The following GRIK2 variants were observed in gnomAD, a reference collection of about 807,000 sequenced individuals.
The protein encoded by GRIK2 is glutamate receptor ionotropic, kainate 2.
GRIK2 carries 32 observed loss-of-function variants against 100.3 expected under a neutral mutation model. The observed-to-expected ratio is 0.32, with a 90% CI of 0.24 to 0.43. GRIK2 has a LOEUF of 0.43. Ranked by LOEUF, GRIK2 falls within the 20% of genes least tolerant of loss-of-function variation. The probability of loss-of-function intolerance (pLI) is 1.00; values close to 1 mark genes in which losing one functional copy is unlikely to be tolerated. For missense variants in GRIK2, 843 were observed against 1,114.9 expected (o/e 0.76, Z 3.47); for synonymous variants, 417 against 389.4 (o/e 1.07, Z -0.83).
intron 5 of GRIK2, among the ~76,000 whole-genome samples, chr6:101,682,235 C>A (rs547355749): frequency 1.3e-5 from 2 of 152,226 alleles, no homozygotes; most frequent in South Asian, 4.1e-4. Flanking sequence ...GAAGACGTTA[C>A]GAATGTAACA....
chr6:101,715,263 C>T (rs2128361459), intron 7 of GRIK2, among the ~76,000 whole-genome samples: 1 of 151,846 alleles, frequency 6.6e-6, no homozygotes, highest in South Asian at 2.1e-4. Flanking sequence ...TATGACCCCA[C>T]ATAAACAGTC....
At chr6:101,435,800 CT>C (rs1189975501) in intron 2 of GRIK2, among the ~76,000 whole-genome samples, 1 of 152,084 alleles carries the variant, frequency 6.6e-6, no homozygotes, top group Non-Finnish European at 1.5e-5. Flanking sequence ...TTGTCTTTGA[CT>C]TTTTTCTTCC....
intron 5 of GRIK2, 46 bp from the exon 6 acceptor site, chr6:101,682,507 G>C (rs1177883424): frequency 1.2e-6 from 1 of 825,960 alleles, no homozygotes; most frequent in Non-Finnish European, 2.1e-6. Flanking sequence ...CTGACATACT[G>C]TCTTTCCTGA....
chr6:101,696,128 A>T (rs1022718329), intron 7 of GRIK2, among the ~76,000 whole-genome samples: 15 of 152,040 alleles, frequency 9.9e-5, no homozygotes, highest in Admixed American at 1.3e-4. Context: ...TGTAGATTGC[A>T]TCAATTTTAG....
chr6:101,929,153 T>C (rs557734141), intron 14 of GRIK2, among the ~76,000 whole-genome samples: 13 of 152,284 alleles, frequency 8.5e-5, no homozygotes, highest in Non-Finnish European at 1.5e-4. Flanking sequence ...GGCTGTCCCA[T>C]TGAACTCACA....
chr6:101,657,210 A>G (rs1769256373), intron 4 of GRIK2, among the ~76,000 whole-genome samples: 1 of 152,202 alleles, frequency 6.6e-6, no homozygotes, highest in Non-Finnish European at 1.5e-5. Flanking sequence ...GTCTGGGCAG[A>G]GACCTGGTGG....
chr6:101,635,331 A>C (rs1479151804), intron 4 of GRIK2, among the ~76,000 whole-genome samples: 1 of 152,004 alleles, frequency 6.6e-6, no homozygotes, highest in Non-Finnish European at 1.5e-5. Context: ...CAATCATAAA[A>C]ATTTTTTTAG....
intron 2 of GRIK2, among the ~76,000 whole-genome samples, chr6:101,562,081 T>C (rs1777048362): frequency 6.6e-6 from 1 of 152,194 alleles, no homozygotes; most frequent in Admixed American, 6.5e-5. Flanking sequence ...CAAAGCTTTA[T>C]GCCTGTCCTT....
chr6:101,731,594 C>G (rs888706571), intron 7 of GRIK2, among the ~76,000 whole-genome samples: 2 of 151,752 alleles, frequency 1.3e-5, no homozygotes, highest in African/African-American at 4.8e-5. Context: ...AAATAAAAAG[C>G]TATAAATTGT....
chr6:101,580,426 G>A (rs1438959382), intron 2 of GRIK2, among the ~76,000 whole-genome samples: 1 of 152,124 alleles, frequency 6.6e-6, no homozygotes, highest in Non-Finnish European at 1.5e-5. Flanking sequence ...CTACCTTACA[G>A]TTATGTCCAG....
Position 101,909,371 on chromosome 6 carries a change from G to GTTTTTTTTTTTTTTTT in GRIK2, c.1749-15226_1749-15225insTTTTTTTTTTTTTTTT, listed in dbSNP as rs370241149. 6.0e-5 allele frequency among the ~76,000 whole-genome samples: 5 copies of GTTTTTTTTTTTTTTTT among 83,528 alleles called. 1 individual carries two copies. The highest frequency in any genetic ancestry group is 1.6e-4 in the Admixed American group (1 of 6,402). The allele number at this position is 83,528 out of a possible 152,430, so 54.8% of individuals were successfully genotyped here. A position where few individuals can be genotyped will look rare whatever the true frequency, so the allele number is the denominator to read the frequency against. On this transcript the variant is annotated intron_variant, in intron 12 of 16. Coordinates refer to ENST00000369134, the MANE Select transcript of GRIK2 (RefSeq NM_021956.5). ...TTTTTGGATGCTGAAGGAAGATAGG[G>GTTTTTTTTTTTTTTTT]TTTTCTTTTTCTTTTTTTTTTTTTT... is the stretch of plus-strand genomic sequence containing the variant.
intron 14 of GRIK2, among the ~76,000 whole-genome samples, chr6:101,977,661 G>C (rs1219787299): frequency 6.6e-6 from 1 of 151,934 alleles, no homozygotes; most frequent in Non-Finnish European, 1.5e-5. Context: ...TGGACCCCAA[G>C]GTGCTGGAGG....
At chr6:101,484,394 CA>C in intron 2 of GRIK2, among the ~76,000 whole-genome samples, 1 of 152,260 alleles carries the variant, frequency 6.6e-6, no homozygotes, top group Admixed American at 6.5e-5. Flanking sequence ...ACTACTTTAG[CA>C]TATTATCCTC....
At chr6:101,715,075 A>G (rs1426417808) in intron 7 of GRIK2, among the ~76,000 whole-genome samples, 2 of 151,778 alleles carry the variant, frequency 1.3e-5, no homozygotes, top group East Asian at 1.9e-4. Context: ...ACCACAAAAA[A>G]AAATATAGGC....
At chr6:102,002,274 G>T (rs537597008) in intron 14 of GRIK2, among the ~76,000 whole-genome samples, 1 of 148,770 alleles carries the variant, frequency 6.7e-6, no homozygotes, top group East Asian at 2.0e-4. Context: ...GTGTGTGTAT[G>T]TATGTGTGTG....
chr6:101,403,847 G>A (rs1173495556), intron 2 of GRIK2, among the ~76,000 whole-genome samples: 1 of 152,154 alleles, frequency 6.6e-6, no homozygotes, highest in Non-Finnish European at 1.5e-5. Flanking sequence ...GCTTAGCTGA[G>A]CTGTGGAATG....
chr6:101,487,629 T>C (rs1772897362), intron 2 of GRIK2, among the ~76,000 whole-genome samples: 2 of 147,140 alleles, frequency 1.4e-5, no homozygotes, highest in South Asian at 2.1e-4. Flanking sequence ...ACACAAAATA[T>C]AATATGACTT....
chr6:101,928,549 A>G lies in GRIK2; in HGVS notation c.2002A>G (p.Ile668Val), dbSNP rs935169253. ...FLTVERMESP[I>V]DSADDLAKQT... ...GACAGTGGAACGCATGGAATCCCCT[A>G]TTGACTCTGCTGATGATTTAGCTAA... The change falls in exon 14 of 17, where the codon ATT becomes GTT. Residue 668 changes from isoleucine (I) to valine (V), a missense_variant. Transcript: ENST00000369134. 1 of 1,604,492 alleles carries G rather than the reference A, an allele frequency of 6.2e-7. No homozygotes were observed. Among genetic ancestry groups the G allele is most frequent in the East Asian group, 2.2e-5 (1 of 44,798 alleles).
intron 7 of GRIK2, among the ~76,000 whole-genome samples, chr6:101,763,660 A>G (rs927818379): frequency 6.6e-6 from 1 of 152,212 alleles, no homozygotes; most frequent in Non-Finnish European, 1.5e-5. Flanking sequence ...ATGAAATAGT[A>G]TAAATCTTTT....
Sources: allele counts gnomAD v4.1 joint callset (sites outside exome capture counted in the v4.1 genomes callset), GRCh38; gene constraint gnomAD v4.1.1; transcripts MANE v1.5; gene names NCBI Gene and HGNC (gene_info 2026-07-23, HGNC 2026-07-21).